The following STOX1 variants were observed in gnomAD, a reference collection of about 807,000 sequenced individuals.
The protein encoded by STOX1 is storkhead box 1, also known as storkhead-box protein 1.
In STOX1, 57 loss-of-function variants were observed where a neutral mutation model predicts 74.8. The ratio of observed to expected loss-of-function variants is 0.76; its 90% CI spans 0.62 to 0.95. The LOEUF is 0.95. STOX1 is among the 40% of genes least tolerant of loss of function. The pLI is 0.00. For missense variants in STOX1, 1,010 were observed against 1,117.0 expected (o/e 0.90, Z 1.37); for synonymous variants, 375 against 401.3 (o/e 0.93, Z 0.78).
Position 68,830,943 on chromosome 10 carries a change from C to A in STOX1, c.310+3010C>A, listed in dbSNP as rs1839390690. Among the ~76,000 whole-genome samples the A allele has an allele frequency of 2.0e-5, 3 of 152,160 alleles. No individual in the cohort carries two copies. The South Asian group carries it at 6.2e-4, about 32-fold the overall frequency. ...CAAAAGAGAAGAGGCAGCTCTTGGG[C>A]TACCTTAGAGTCCTGGAGGGTGGCG... On this transcript the variant is annotated intron_variant, in intron 1 of 3. Coordinates refer to ENST00000298596, the MANE Select transcript of STOX1 (RefSeq NM_152709.5).
chr10:68,879,373 C>T (rs1490528249), intron 1 of STOX1, among the ~76,000 whole-genome samples: 3 of 151,946 alleles, frequency 2.0e-5, no homozygotes, highest in African/African-American at 4.8e-5. Flanking sequence ...CCTTCTCTGC[C>T]TCAATATATT....
intron 1 of STOX1, among the ~76,000 whole-genome samples, chr10:68,854,155 T>G (rs572108976): frequency 6.6e-6 from 1 of 151,636 alleles, no homozygotes; most frequent in South Asian, 2.1e-4. Context: ...GCCACCACGC[T>G]GGGCTAATTT....
rs546798164 is a variant in STOX1, at chr10:68,885,357, C to T, written c.1561C>T (p.Pro521Ser). 9 of 1,614,182 alleles carry T rather than the reference C, an allele frequency of 5.6e-6. 1 individual carries two copies. The highest frequency in any genetic ancestry group is 4.4e-5 in the South Asian group (4 of 91,080). Reference protein sequence around the residue: ...HKIQKTSDLKPSQTGPKEKPF... With the variant: ...HKIQKTSDLKSSQTGPKEKPF... The stretch of plus-strand genomic sequence containing the variant: ...AATTCAGAAGACGAGTGATCTGAAA[C>T]CCAGCCAGACTGGACCAAAGGAAAA... Residue 521 changes from proline to serine, a missense_variant, in exon 3 of 4, where the codon CCC (proline) becomes TCC (serine). Transcript: ENST00000298596.
intron 1 of STOX1, among the ~76,000 whole-genome samples, chr10:68,864,752 A>G (rs1840360997): frequency 6.6e-6 from 1 of 152,216 alleles, no homozygotes. Flanking sequence ...TTGCTTTTCA[A>G]TTAGCTGCAG....
intron 1 of STOX1, among the ~76,000 whole-genome samples, chr10:68,829,442 A>C (rs1401938114): frequency 6.6e-6 from 1 of 152,184 alleles, no homozygotes; most frequent in Non-Finnish European, 1.5e-5. Flanking sequence ...GCTTGAATCC[A>C]GGAGGTGGTG....
chr10:68,861,964 C>T (rs1840277754), intron 1 of STOX1, among the ~76,000 whole-genome samples: 1 of 148,374 alleles, frequency 6.7e-6, no homozygotes, highest in Admixed American at 6.8e-5. Flanking sequence ...TGCATTTTAG[C>T]TGCATTGTAT....
At chr10:68,848,269 C>A (rs1028833717) in intron 1 of STOX1, among the ~76,000 whole-genome samples, 1 of 152,176 alleles carries the variant, frequency 6.6e-6, no homozygotes, top group Non-Finnish European at 1.5e-5. Flanking sequence ...GCCCTTAGTC[C>A]CTGCTAATGG....
At chr10:68,874,958 A>C (rs550732256) in intron 1 of STOX1, among the ~76,000 whole-genome samples, 2 of 152,274 alleles carry the variant, frequency 1.3e-5, no homozygotes, top group South Asian at 4.1e-4. Context: ...CACCTCCTGA[A>C]ATGGCCGGGA....
chr10:68,844,419 C>T (rs1839781699), intron 1 of STOX1, among the ~76,000 whole-genome samples: 1 of 151,560 alleles, frequency 6.6e-6, no homozygotes, highest in Admixed American at 6.6e-5. Flanking sequence ...CTGGCTCAGC[C>T]TCCTGAGTAG....
intron 1 of STOX1, among the ~76,000 whole-genome samples, chr10:68,840,870 T>G (rs952410883): frequency 5.9e-5 from 9 of 152,004 alleles, no homozygotes; most frequent in East Asian, 3.9e-4. Flanking sequence ...CAACAGTGGT[T>G]GTTTTATCTC....
chr10:68,845,526 G>A (rs568512517), intron 1 of STOX1, among the ~76,000 whole-genome samples: 27 of 151,746 alleles, frequency 1.8e-4, no homozygotes, highest in African/African-American at 6.0e-4. Flanking sequence ...CACCTGCCTC[G>A]GCCTCCCAAA....
At chr10:68,829,540 A>G (rs1041904586) in intron 1 of STOX1, among the ~76,000 whole-genome samples, 1 of 152,120 alleles carries the variant, frequency 6.6e-6, no homozygotes, top group Non-Finnish European at 1.5e-5. Flanking sequence ...AAGAAGAAAG[A>G]AAAGAAAAAA....
chr10:68,890,649 CTT>C (rs11366165), intron 3 of STOX1, among the ~76,000 whole-genome samples: 211 of 117,354 alleles, frequency 1.8e-3, no homozygotes, highest in South Asian at 5.2e-3. Context: ...AAGACCTTTT[CTT>C]TTTTTTTTTT....
chr10:68,868,430 C>A (rs1324130138), intron 1 of STOX1, among the ~76,000 whole-genome samples: 1 of 152,234 alleles, frequency 6.6e-6, no homozygotes. Context: ...GGTTTAGGAA[C>A]ACCTTGAGCG....
chr10:68,829,547 A>G (rs538905086), intron 1 of STOX1, among the ~76,000 whole-genome samples: 1 of 152,222 alleles, frequency 6.6e-6, no homozygotes, highest in African/African-American at 2.4e-5. Context: ...AAGAAAAGAA[A>G]AAAAGCACTT....
At chr10:68,830,967 C>T (rs1839391606) in intron 1 of STOX1, among the ~76,000 whole-genome samples, 1 of 152,082 alleles carries the variant, frequency 6.6e-6, no homozygotes, top group African/African-American at 2.4e-5. Flanking sequence ...TGGAGGGTGG[C>T]GAAGGCAGGA....
chr10:68,885,450 G>C lies in STOX1; in HGVS notation c.1654G>C (p.Ala552Pro). The change falls in exon 3 of 4, where the codon GCT (alanine) becomes CCT (proline). Residue 552 changes from alanine to proline, a missense_variant. By Grantham distance (27) the Ala-to-Pro change is conservative. Coordinates refer to ENST00000298596, the MANE Select transcript of STOX1 (RefSeq NM_152709.5). ...IFDGKAKEPY[A>P]EQPNDKMEAE... The stretch of plus-strand genomic sequence containing the variant: ...TGATGGTAAAGCCAAAGAGCCATAT[G>C]CTGAACAACCTAATGATAAAATGGA... 6.2e-7 allele frequency: 1 copy of C among 1,614,160 alleles called. No homozygotes were observed. The highest frequency in any genetic ancestry group is 8.5e-7 in the Non-Finnish European group (1 of 1,180,044).
chr10:68,846,945 T>A (rs1166560932), intron 1 of STOX1: 1 of 152,194 alleles, frequency 6.6e-6, no homozygotes, highest in African/African-American at 2.4e-5. Flanking sequence ...TAGATTAATT[T>A]CGGGAGAATT....
chr10:68,829,965 C>T (rs1191907938), intron 1 of STOX1, among the ~76,000 whole-genome samples: 2 of 152,130 alleles, frequency 1.3e-5, no homozygotes, highest in Non-Finnish European at 2.9e-5. Context: ...CAGGTCCCCC[C>T]TTTCAAAGGG....
Sources: allele counts gnomAD v4.1 joint callset (sites outside exome capture counted in the v4.1 genomes callset), GRCh38; gene constraint gnomAD v4.1.1; transcripts MANE v1.5; gene names NCBI Gene and HGNC (gene_info 2026-07-23, HGNC 2026-07-21).